BSN: variants seen among roughly 807,000 people sequenced by gnomAD.
The protein encoded by BSN is protein bassoon.
BSN carries 57 observed loss-of-function variants against 264.8 expected under a neutral mutation model. The observed-to-expected ratio is 0.22, with a 90% CI of 0.17 to 0.27. BSN has a LOEUF of 0.27. Among genes scored for constraint, BSN ranks in the 10% least tolerant of loss-of-function variants. The pLI is 1.00. For synonymous variants in BSN, 2,059 were observed against 2,137.3 expected, an observed-to-expected ratio of 0.96 and a Z score of 1.01; for missense variants, 4,615 against 5,232.5, an observed-to-expected ratio of 0.88 and a Z score of 3.64.
intron 1 of BSN, among the ~76,000 whole-genome samples, chr3:49,560,689 C>T (rs180733840): frequency 3.1e-4 from 47 of 152,278 alleles, no homozygotes; most frequent in African/African-American, 1.0e-3. Flanking sequence ...AGCACTTGCC[C>T]GAGCTCCTTT....
chr3:49,647,677 G>A (rs1575446588), intron 3 of BSN, among the ~76,000 whole-genome samples: 1 of 152,208 alleles, frequency 6.6e-6, no homozygotes, highest in South Asian at 2.1e-4. Flanking sequence ...ATGGAGGTAG[G>A]GGTATGTTGG....
rs2052664626 is a variant in BSN, at chr3:49,662,202, A to C, written c.10357A>C (p.Lys3453Gln). ...SRAPSAYSGE[K>Q]LSSHDFSGWG... ...GGCACCTTCTGCATACAGTGGGGAG[A>C]AGCTGTCCAGCCACGACTTCAGTGG... The change falls in exon 6 of 12, where the codon AAG becomes CAG. Residue 3453 changes from lysine to glutamine, a missense_variant. Physicochemically the swap from Lys to Gln is moderately conservative, Grantham distance 53. Around this residue, in one of 3 missense-constraint regions of BSN, gnomAD observed 3,415 missense variants for 3,866.4 expected, o/e 0.88. Transcript: ENST00000296452. The C allele has an allele frequency of 1.2e-6, 2 of 1,613,074 alleles. No homozygotes were observed. The highest frequency in any genetic ancestry group is 1.7e-6 in the Non-Finnish European group (2 of 1,179,888).
intron 1 of BSN, among the ~76,000 whole-genome samples, chr3:49,557,131 CTT>C (rs2051679127): frequency 6.6e-6 from 1 of 152,204 alleles, no homozygotes; most frequent in African/African-American, 2.4e-5. Context: ...AGTGGTGCCT[CTT>C]AGCCCGTCGG....
In BSN at chr3:49,554,615, G is replaced by T. The variant is rs975318183; in HGVS notation, c.13G>T (p.Val5Phe). ...CCGCCTGCCCGCCATGGGCAACGAG[G>T]TCAGCCTGGAGGGCGGCGCTGGCGA... The part of the protein sequence containing the change: MGNE[V>F]SLEGGAGDGP... The change falls in exon 1 of 12, where the codon GTC becomes TTC. Residue 5 changes from valine (V) to phenylalanine (F), a missense_variant. Val to Phe is a conservative substitution (Grantham distance 50). Transcript: ENST00000296452. 1.0e-6 allele frequency: 1 copy of T among 987,620 alleles called. No individual in the cohort carries two copies. Among genetic ancestry groups the T allele is most frequent in the African/African-American group, 1.8e-5 (1 of 56,750 alleles). 61.2% of individuals were successfully genotyped at this position (987,620 alleles called of 1,614,324 possible).
At position 49,653,695 on chromosome 3, in the gene BSN, C is replaced by T. The variant is rs754388983; in HGVS notation, c.4139C>T (p.Thr1380Ile). 13 of 1,613,782 alleles carry T rather than the reference C, an allele frequency of 8.1e-6. No homozygotes were observed. The highest frequency in any genetic ancestry group is 1.3e-5 in the African/African-American group (1 of 74,980). The change falls in exon 5 of 12, where the codon ACC becomes ATC. Residue 1380 changes from threonine (T) to isoleucine (I), a missense_variant. Physicochemically the swap from Thr to Ile is moderately conservative, Grantham distance 89. Around this residue, in one of 3 missense-constraint regions of BSN, gnomAD observed 3,415 missense variants for 3,866.4 expected, o/e 0.88. Transcript: ENST00000296452. The surrounding 1 kb of genome is among the most constrained non-coding windows in gnomAD (Gnocchi z 6.3). ...IGMPFSQGPG[T>I]PATTAVAPCP... ...ATGCCCTTTTCCCAGGGCCCTGGGA[C>T]CCCAGCCACCACAGCTGTGGCTCCT...
chr3:49,662,334 A>T lies in BSN; in HGVS notation c.10489A>T (p.Met3497Leu), dbSNP rs923283878. ...SMAHSRVRPP[M>L]RSQASEEESP... ...GGCCCACAGCCGGGTACGACCCCCC[A>T]TGCGGAGCCAGGCCTCTGAAGAGGA... is the stretch of plus-strand genomic sequence containing the variant. Residue 3497 changes from methionine to leucine, a missense_variant, in exon 6 of 12, where the codon ATG becomes TTG. Physicochemically the swap from Met to Leu is conservative, Grantham distance 15. Transcript: ENST00000296452. 1.9e-6 allele frequency: 3 copies of T among 1,613,436 alleles called. No individual in the cohort carries two copies. The African/African-American group carries it at 4.0e-5, about 22-fold the overall frequency.
intron 2 of BSN, among the ~76,000 whole-genome samples, chr3:49,637,087 C>G (rs1441087146): frequency 6.6e-6 from 1 of 152,226 alleles, no homozygotes; most frequent in Non-Finnish European, 1.5e-5. Flanking sequence ...TGTGATGTTT[C>G]AACTTGTACC....
At chr3:49,571,606 C>T (rs2051795993) in intron 1 of BSN, among the ~76,000 whole-genome samples, 1 of 152,136 alleles carries the variant, frequency 6.6e-6, no homozygotes, top group Non-Finnish European at 1.5e-5. Context: ...TTTGGTAGTG[C>T]ACTCACTCTG....
chr3:49,629,409 G>A (rs2052368290), intron 2 of BSN, among the ~76,000 whole-genome samples: 1 of 152,238 alleles, frequency 6.6e-6, no homozygotes, highest in Non-Finnish European at 1.5e-5. Context: ...GCCTGAGCCT[G>A]CTAAGTAGAA....
In BSN at chr3:49,658,059, C is replaced by T. The variant is rs139566237; in HGVS notation, c.8503C>T (p.Arg2835Cys). 6.8e-5 allele frequency: 110 copies of T among 1,613,272 alleles called. No homozygotes were observed. Among genetic ancestry groups the T allele is most frequent in the Non-Finnish European group, 8.4e-5 (99 of 1,179,948 alleles). Residue 2835 changes from arginine (R) to cysteine (C), a missense_variant, in exon 5 of 12, where the codon CGC becomes TGC. This residue lies in a region of BSN where 3,415 missense variants were observed against 3,866.4 expected (regional missense o/e 0.88). Coordinates refer to ENST00000296452, the MANE Select transcript of BSN (RefSeq NM_003458.4). ...GCACTTCACGGCTGACAGCGCTCTC[C>T]GCCAGCAGACGCTGCCTCGCCCCAT... is the stretch of plus-strand genomic sequence containing the variant. ...QKHFTADSAL[R>C]QQTLPRPMKT...
chr3:49,569,592 G>A (rs1405697756), intron 1 of BSN, among the ~76,000 whole-genome samples: 1 of 152,190 alleles, frequency 6.6e-6, no homozygotes, highest in Non-Finnish European at 1.5e-5. Flanking sequence ...CTCAGTGGGG[G>A]ACGCTTGGAG....
chr3:49,618,927 A>C (rs961201332), intron 1 of BSN, among the ~76,000 whole-genome samples: 2 of 152,244 alleles, frequency 1.3e-5, no homozygotes, highest in African/African-American at 4.8e-5. Context: ...ATTAAATATT[A>C]AATGACTTTA....
At chr3:49,564,848 T>G (rs2051740458) in intron 1 of BSN, among the ~76,000 whole-genome samples, 1 of 152,190 alleles carries the variant, frequency 6.6e-6, no homozygotes, top group Non-Finnish European at 1.5e-5. Context: ...GAGGAAACCC[T>G]TGTGCAGATT....
chr3:49,594,659 G>T (rs2052007025), intron 1 of BSN, among the ~76,000 whole-genome samples: 1 of 151,762 alleles, frequency 6.6e-6, no homozygotes, highest in African/African-American at 2.4e-5. Flanking sequence ...AGTATTCCAG[G>T]GTCCATGCCT....
chr3:49,592,340 C>A (rs185130071), intron 1 of BSN, among the ~76,000 whole-genome samples: 3,621 of 151,310 alleles, frequency 0.024, 157 homozygotes, highest in African/African-American at 0.083. Flanking sequence ...GCACTCCTGA[C>A]CTCAGGTGAT....
chr3:49,558,169 GGTAGAGAT>G (rs1471748207), intron 1 of BSN, among the ~76,000 whole-genome samples: 1 of 152,212 alleles, frequency 6.6e-6, no homozygotes, highest in Non-Finnish European at 1.5e-5. Context: ...CTTTAGGAGA[GGTAGAGAT>G]GTAAGGCTGG....
At chr3:49,571,865 A>G (rs1403528222) in intron 1 of BSN, among the ~76,000 whole-genome samples, 1 of 152,150 alleles carries the variant, frequency 6.6e-6, no homozygotes, top group Non-Finnish European at 1.5e-5. Context: ...TAGAGGTAGC[A>G]ACACCAACTC....
chr3:49,592,676 G>A (rs2051988501), intron 1 of BSN, among the ~76,000 whole-genome samples: 1 of 151,374 alleles, frequency 6.6e-6, no homozygotes, highest in Non-Finnish European at 1.5e-5. Context: ...GTGTGAACCT[G>A]GGAGGCGGAG....
chr3:49,591,588 ATTTTTG>A (rs557253321), intron 1 of BSN, among the ~76,000 whole-genome samples: 2,009 of 151,202 alleles, frequency 0.013, 36 homozygotes, highest in Non-Finnish European at 0.014. Context: ...TTTCTTCCAG[ATTTTTG>A]TTTTTGTTTT....
Sources: allele counts gnomAD v4.1 joint callset (sites outside exome capture counted in the v4.1 genomes callset), GRCh38; gene constraint gnomAD v4.1.1; regional missense constraint gnomAD v4.1.1; non-coding constraint Gnocchi (gnomAD v3.1); transcripts MANE v1.5; gene names NCBI Gene and HGNC (gene_info 2026-07-23, HGNC 2026-07-21).